The following VAC14 variants were observed in gnomAD, a reference collection of about 807,000 sequenced individuals.
VAC14 encodes the protein VAC14 component of PIKFYVE complex.
VAC14 carries 47 observed loss-of-function variants against 85.3 expected under a neutral mutation model. The ratio of observed to expected loss-of-function variants is 0.55; its 90% confidence interval spans 0.44 to 0.70. The LOEUF (loss-of-function observed/expected upper bound fraction) is 0.70. VAC14 is among the 30% of genes least tolerant of loss of function. The probability of loss-of-function intolerance (pLI) is 0.00; values close to 1 mark genes in which losing one functional copy is unlikely to be tolerated. For synonymous variants in VAC14, 447 were observed against 430.5 expected, an observed-to-expected ratio of 1.04 and a Z score of -0.47; for missense variants, 861 against 1,004.3, an observed-to-expected ratio of 0.86 and a Z score of 1.93.
chr16:70,788,266 C>T (rs577321655), intron 1 of VAC14, among the ~76,000 whole-genome samples: 4 of 152,298 alleles, frequency 2.6e-5, no homozygotes, highest in East Asian at 1.9e-4. Context: ...AAAGAGGGAC[C>T]GGGCAGTGGT....
At chr16:70,741,572 C>T (rs1307225710) in intron 13 of VAC14, among the ~76,000 whole-genome samples, 1 of 152,220 alleles carries the variant, frequency 6.6e-6, no homozygotes, top group Non-Finnish European at 1.5e-5. Context: ...AGGTTAAGAG[C>T]TCCTGGCCCA....
chr16:70,691,463 CCT>C (rs3837791), intron 18 of VAC14: 74,301 of 985,410 alleles, frequency 0.075, 2,927 homozygotes, highest in East Asian at 0.094. Context: ...GGCTTCTAGG[CCT>C]CTCTCGGAGT....
At chr16:70,710,046 A>G (rs538114462) in intron 14 of VAC14, among the ~76,000 whole-genome samples, 1 of 152,270 alleles carries the variant, frequency 6.6e-6, no homozygotes, top group South Asian at 2.1e-4. Flanking sequence ...GCCCACGAGG[A>G]GGCCGCCACC....
At chr16:70,735,702 G>A (rs1382711552) in intron 13 of VAC14, among the ~76,000 whole-genome samples, 3 of 152,348 alleles carry the variant, frequency 2.0e-5, no homozygotes, top group South Asian at 2.1e-4. Context: ...TAGACAGCTC[G>A]CGTGAGCGGC....
chr16:70,712,463 G>A (rs1222043542), intron 14 of VAC14, among the ~76,000 whole-genome samples: 1 of 152,126 alleles, frequency 6.6e-6, no homozygotes, highest in African/African-American at 2.4e-5. Context: ...CGTGGGGAGG[G>A]ACAGTGACCC....
intron 14 of VAC14, among the ~76,000 whole-genome samples, chr16:70,701,467 T>C (rs1308483686): frequency 6.6e-6 from 1 of 152,162 alleles, no homozygotes; most frequent in Non-Finnish European, 1.5e-5. Context: ...GTCCCTCTGC[T>C]GGGTCCACTG....
chr16:70,781,739 T>TC, intron 8 of VAC14, 130 bp downstream of exon 8: 1 of 1,311,426 alleles, frequency 7.6e-7, no homozygotes, highest in Middle Eastern at 2.3e-4. Flanking sequence ...CATCTCTTTT[T>TC]CCCGAGCTGC....
In VAC14 at chr16:70,687,524, TACACAC is replaced by T. The variant is rs3833084; in HGVS notation, c.*398_*403del. 47 of 154,266 alleles carry T rather than the reference TACACAC, an allele frequency of 3.0e-4. No homozygotes were observed. The East Asian group carries it at 3.9e-3, about 13-fold the overall frequency. The allele number at this position is 154,266 out of a possible 1,614,324, so 9.6% of individuals were successfully genotyped here. On this transcript the variant is annotated 3_prime_UTR_variant, in exon 19 of 19. Coordinates refer to ENST00000261776, the MANE Select transcript of VAC14 (RefSeq NM_018052.5). ...GTGCTGGTGCCTACGTGCATACAAG[TACACAC>T]ACACACACACACACACAGGCATGTG...
chr16:70,801,146 T>A lies in VAC14; in HGVS notation c.-246A>T. On this transcript the variant is annotated 5_prime_UTR_variant, in exon 1 of 19. It removes an upstream start codon present in the reference 5' UTR. Transcript: ENST00000261776. ...AGCGGGACTCACGAGACAGCGGCCA[T>A]GTTACTCGAGTCACATGACTCTACA... is the stretch of plus-strand genomic sequence containing the variant. The A allele has an allele frequency of 2.4e-6, 1 of 414,236 alleles. No individual in the cohort carries two copies. The highest frequency in any genetic ancestry group is 4.6e-5 in the Admixed American group (1 of 21,692). The allele number at this position is 414,236 out of a possible 1,614,324, so 25.7% of individuals were successfully genotyped here. A position where few individuals can be genotyped will look rare whatever the true frequency, so the allele number is the denominator to read the frequency against.
At chr16:70,771,596 T>C (rs2033227483) in intron 10 of VAC14, 1 of 152,144 alleles carries the variant, frequency 6.6e-6, no homozygotes, top group Non-Finnish European at 1.5e-5. Context: ...ATTCCTTTTT[T>C]TTTTTTTTAA....
intron 17 of VAC14, among the ~76,000 whole-genome samples, chr16:70,695,065 CCCCAGCCCTG>C (rs1567520319): frequency 6.6e-6 from 1 of 151,786 alleles, no homozygotes; most frequent in Non-Finnish European, 1.5e-5. Flanking sequence ...ATGCCACGTG[CCCCAGCCCTG>C]CTCTGGCTGG....
intron 10 of VAC14, among the ~76,000 whole-genome samples, 171 bp from the exon 11 acceptor site, chr16:70,763,196 C>T (rs2032547825): frequency 6.6e-6 from 1 of 152,224 alleles, no homozygotes; most frequent in Admixed American, 6.5e-5. Context: ...GCTGGTCTCC[C>T]ACCATCCCAG....
chr16:70,723,036 T>C (rs2054333913), intron 14 of VAC14, among the ~76,000 whole-genome samples: 2 of 152,004 alleles, frequency 1.3e-5, no homozygotes, highest in South Asian at 4.2e-4. Context: ...GCCAACATGG[T>C]GAAACCCCAT....
chr16:70,785,849 C>T lies in VAC14; in HGVS notation c.276G>A (p.Lys92=), dbSNP rs1401136195. 1.9e-6 allele frequency: 3 copies of T among 1,605,324 alleles called. No homozygotes were observed. Among genetic ancestry groups the T allele is most frequent in the East Asian group, 4.5e-5 (2 of 44,558 alleles). Residue 92 remains lysine, a synonymous_variant, in exon 3 of 19, where the codon AAG becomes AAA. Coordinates refer to ENST00000261776, the MANE Select transcript of VAC14 (RefSeq NM_018052.5). ...AGGTCAGCACTGGCTCGATCAGCTC[C>T]TTCAGGTAGAGCCCTGAGTCCTGCA... ...ALGKDSGLYL[K]ELIEPVLTCF... is the part of the protein sequence containing the mutation.
At chr16:70,797,349 ATC>A (rs2034589592) in intron 1 of VAC14, among the ~76,000 whole-genome samples, 1 of 152,062 alleles carries the variant, frequency 6.6e-6, no homozygotes, top group African/African-American at 2.4e-5. Context: ...ATACAGGATA[ATC>A]TCTCTATTTT....
At chr16:70,794,887 CAT>C (rs1212473668) in intron 1 of VAC14, among the ~76,000 whole-genome samples, 11 of 152,224 alleles carry the variant, frequency 7.2e-5, no homozygotes, top group Admixed American at 6.5e-5. Flanking sequence ...CACATAAGGA[CAT>C]TTTGGTCAAC....
intron 13 of VAC14, among the ~76,000 whole-genome samples, chr16:70,732,839 G>C (rs1236126318): frequency 6.6e-6 from 1 of 151,888 alleles, no homozygotes; most frequent in African/African-American, 2.4e-5. Flanking sequence ...AGTAGAGGTG[G>C]GGTTTCACCA....
intron 13 of VAC14, 152 bp from the exon 14 acceptor site, chr16:70,731,779 T>C (rs1276146859): frequency 1.1e-6 from 1 of 896,114 alleles, no homozygotes; most frequent in Non-Finnish European, 1.6e-6. Context: ...TCAAGAGCCA[T>C]GGAGCAACAG....
rs562560980 is a variant in VAC14, at chr16:70,709,299, C to G, written c.1662-10488G>C. ...CCACCCCTTTGTCCCCCAACAAGCTCCAGGGCCTACACAGCACAGAGCCTT... is the reference window on the plus strand; with the variant it reads ...CCACCCCTTTGTCCCCCAACAAGCTGCAGGGCCTACACAGCACAGAGCCTT... On this transcript the variant is annotated intron_variant, in intron 14 of 18. Coordinates refer to ENST00000261776, the MANE Select transcript of VAC14 (RefSeq NM_018052.5). 1.6e-4 allele frequency among the ~76,000 whole-genome samples: 25 copies of G among 151,754 alleles called. No individual in the cohort carries two copies. In the South Asian group the frequency reaches 5.0e-3, roughly 31 times the overall value.
Sources: allele counts gnomAD v4.1 joint callset (sites outside exome capture counted in the v4.1 genomes callset), GRCh38; gene constraint gnomAD v4.1.1; transcripts MANE v1.5; gene names NCBI Gene and HGNC (gene_info 2026-07-23, HGNC 2026-07-21).